The following MXI1 variants were observed in gnomAD, a reference collection of about 807,000 sequenced individuals.
The protein encoded by MXI1 is max-interacting protein 1.
A neutral mutation model predicts 36.9 loss-of-function variants in MXI1; 18 were observed. The observed-to-expected ratio is 0.49, with a 90% CI of 0.34 to 0.72. The LOEUF is 0.72. Among genes scored for constraint, MXI1 ranks in the 30% least tolerant of loss-of-function variants. The probability of loss-of-function intolerance (pLI) is 0.01; values close to 1 mark genes in which losing one functional copy is unlikely to be tolerated. For missense variants in MXI1, 304 were observed against 379.1 expected (o/e 0.80, Z 1.64); for synonymous variants, 160 against 146.7 (o/e 1.09, Z -0.65).
At chr10:110,279,809 ACT>A (rs1332436140) in intron 4 of MXI1, 103 bp from the exon 5 acceptor site, 3 of 717,910 alleles carry the variant, frequency 4.2e-6, no homozygotes, top group South Asian at 7.1e-5. Flanking sequence ...TTTTATACAC[ACT>A]CACACATGTA....
At position 110,210,899 on chromosome 10, in the gene MXI1, A is replaced by T. The variant is rs547192658; in HGVS notation, c.274+2817A>T. ...GCGCGCGGGGCTTGTTTTGCTCCAG[A>T]GCTCTGCTTTCCGAAACGCTTACAT... On this transcript the variant is annotated intron_variant, in intron 1 of 5. Transcript: ENST00000332674. Among the ~76,000 whole-genome samples the T allele has an allele frequency of 6.6e-5, 10 of 152,174 alleles. No homozygotes were observed. The South Asian group carries it at 2.1e-3, about 32-fold the overall frequency.
chr10:110,240,374 A>T (rs896330227), intron 2 of MXI1, among the ~76,000 whole-genome samples: 1 of 152,016 alleles, frequency 6.6e-6, no homozygotes, highest in Non-Finnish European at 1.5e-5. Flanking sequence ...ATTGTTGTGC[A>T]TCCTGTTTAG....
intron 2 of MXI1, among the ~76,000 whole-genome samples, chr10:110,241,717 A>C (rs1319179679): frequency 1.3e-5 from 2 of 151,952 alleles, no homozygotes; most frequent in Admixed American, 6.6e-5. Flanking sequence ...GAACCTATCA[A>C]TTTGTTGTCC....
At chr10:110,245,005 C>A in intron 3 of MXI1, 148 bp downstream of exon 3, 1 of 726,940 alleles carries the variant, frequency 1.4e-6, no homozygotes, top group Non-Finnish European at 2.2e-6. Context: ...TATGTATTTT[C>A]TCCAAAAAAT....
intron 3 of MXI1, chr10:110,260,880 C>T: frequency 2.7e-6 from 1 of 366,890 alleles, no homozygotes; most frequent in Non-Finnish European, 3.8e-6. Context: ...ATCTGGTAAG[C>T]ATTATTGTGT....
At position 110,286,878 on chromosome 10, in the gene MXI1, C is replaced by T. The variant is rs1340546890; in HGVS notation, c.*1891C>T. ...AGAAGCCCAGTATCAGAACTTGCTA[C>T]GTTTCAGGTGCTAGGGACTTAATGA... On this transcript the variant is annotated 3_prime_UTR_variant, in exon 6 of 6. Transcript: ENST00000332674. 9 of 152,174 alleles carry T rather than the reference C, an allele frequency of 5.9e-5. No homozygotes were observed. The highest frequency in any genetic ancestry group is 1.2e-4 in the Non-Finnish European group (8 of 68,016). 9.4% of individuals were successfully genotyped at this position (152,174 alleles called of 1,614,324 possible). A position where few individuals can be genotyped will look rare whatever the true frequency, so the allele number is the denominator to read the frequency against.
intron 3 of MXI1, among the ~76,000 whole-genome samples, chr10:110,250,133 T>C (rs992215689): frequency 6.7e-6 from 1 of 149,974 alleles, no homozygotes; most frequent in African/African-American, 2.4e-5. Flanking sequence ...TCAGGACTGA[T>C]AGAGAAATTC....
intron 1 of MXI1, 86 bp downstream of exon 1, chr10:110,208,168 G>GT (rs1003952529): frequency 1.2e-5 from 16 of 1,387,454 alleles, no homozygotes; most frequent in African/African-American, 4.6e-5. Flanking sequence ...AGCTCGGCCC[G>GT]TCCCCCCCCC....
At chr10:110,266,880 A>G (rs1564722631) in intron 3 of MXI1, among the ~76,000 whole-genome samples, 1 of 152,206 alleles carries the variant, frequency 6.6e-6, no homozygotes, top group Non-Finnish European at 1.5e-5. Context: ...CCTATCTCTT[A>G]TAAGCTTCCC....
intron 1 of MXI1, among the ~76,000 whole-genome samples, chr10:110,209,323 G>T (rs1411509104): frequency 6.6e-6 from 1 of 152,090 alleles, no homozygotes; most frequent in African/African-American, 2.4e-5. Flanking sequence ...GTGTGTACGT[G>T]TGCGCGTGTG....
intron 1 of MXI1, among the ~76,000 whole-genome samples, chr10:110,215,396 G>A (rs1182208378): frequency 6.6e-6 from 1 of 152,138 alleles, no homozygotes; most frequent in Admixed American, 6.5e-5. Flanking sequence ...GCCAGAAGGA[G>A]CCCCAGAGGT....
intron 3 of MXI1, among the ~76,000 whole-genome samples, chr10:110,265,056 A>C (rs1179190202): frequency 6.6e-6 from 1 of 152,186 alleles, no homozygotes; most frequent in African/African-American, 2.4e-5. Flanking sequence ...TGGAGCTCAA[A>C]TATATGTTTG....
At chr10:110,240,692 G>A (rs188985057) in intron 2 of MXI1, among the ~76,000 whole-genome samples, 140 of 151,914 alleles carry the variant, frequency 9.2e-4, no homozygotes, top group African/African-American at 3.0e-3. Context: ...AAATTTTCTG[G>A]TTTTTTTGCC....
intron 1 of MXI1, among the ~76,000 whole-genome samples, chr10:110,216,650 C>T (rs1345413375): frequency 8.4e-6 from 1 of 118,648 alleles, no homozygotes; most frequent in Admixed American, 8.4e-5. Context: ...CCTGTCTCCC[C>T]TATCTGTGTT....
rs370962062 is a variant in MXI1, at chr10:110,279,209, G to A, written c.467G>A (p.Arg156His). The change falls in exon 4 of 6, where the codon CGC becomes CAC. Residue 156 changes from arginine to histidine, a missense_variant. Arg to His is a conservative substitution (Grantham distance 29). Around this residue, in one of 2 missense-constraint regions of MXI1, gnomAD observed 125 missense variants for 194.3 expected, o/e 0.64. Transcript: ENST00000332674. ...GCTCATCTGCGCCTTTGTTTAGAACGCTTAAAAGTTCTGATTCCACTAGGA... is the reference window on the plus strand; with the variant it reads ...GCTCATCTGCGCCTTTGTTTAGAACACTTAAAAGTTCTGATTCCACTAGGA... ...RRAHLRLCLE[R>H]LKVLIPLGPD... The A allele has an allele frequency of 3.1e-6, 5 of 1,613,926 alleles. No homozygotes were observed. The highest frequency in any genetic ancestry group is 2.2e-5 in the East Asian group (1 of 44,888).
At chr10:110,256,031 A>G (rs906367660) in intron 3 of MXI1, among the ~76,000 whole-genome samples, 3 of 152,290 alleles carry the variant, frequency 2.0e-5, no homozygotes, top group South Asian at 2.1e-4. Context: ...ATGGTCAACT[A>G]ATTTTTAGCA....
chr10:110,274,713 C>G (rs949942510), intron 3 of MXI1, among the ~76,000 whole-genome samples: 1 of 152,080 alleles, frequency 6.6e-6, no homozygotes, highest in Non-Finnish European at 1.5e-5. Context: ...TTCAGAAGAG[C>G]AGCCTTAACT....
At chr10:110,232,923 C>G (rs1410474175) in intron 2 of MXI1, among the ~76,000 whole-genome samples, 1 of 152,200 alleles carries the variant, frequency 6.6e-6, no homozygotes, top group Non-Finnish European at 1.5e-5. Flanking sequence ...GAAGAACATT[C>G]AGTGTCATCC....
intron 3 of MXI1, among the ~76,000 whole-genome samples, chr10:110,274,360 A>G (rs1465813692): frequency 6.6e-6 from 1 of 152,108 alleles, no homozygotes; most frequent in South Asian, 2.1e-4. Context: ...TTAAAACAGA[A>G]CTCAAAGTGT....
Sources: allele counts gnomAD v4.1 joint callset (sites outside exome capture counted in the v4.1 genomes callset), GRCh38; gene constraint gnomAD v4.1.1; regional missense constraint gnomAD v4.1.1; transcripts MANE v1.5; gene names NCBI Gene and HGNC (gene_info 2026-07-23, HGNC 2026-07-21).